Variants in RHAG observed in about 807,000 individuals in gnomAD.
RHAG encodes Rh associated glycoprotein, also known as ammonium transporter Rh type A.
Under a neutral mutation model 42.4 loss-of-function variants are expected in RHAG, and 25 were observed. The observed-to-expected ratio is 0.59, with a 90% confidence interval of 0.43 to 0.82. The LOEUF is 0.82. Among genes scored for constraint, RHAG ranks in the 40% least tolerant of loss-of-function variants. The pLI is 0.00. For missense variants in RHAG, 483 were observed against 504.6 expected (o/e 0.96, Z 0.41); for synonymous variants, 182 against 177.7 (o/e 1.02, Z -0.19).
intron 7 of RHAG, among the ~76,000 whole-genome samples, chr6:49,609,192 C>T (rs980878934): frequency 2.0e-5 from 3 of 152,066 alleles, no homozygotes; most frequent in African/African-American, 4.8e-5. Context: ...TAAATTTTAC[C>T]GAAGTGAATG....
At position 49,635,372 on chromosome 6, in the gene RHAG, C is replaced by A. The variant is rs528968627; in HGVS notation, c.157+1284G>T. On this transcript the variant is annotated intron_variant, in intron 1 of 9. Coordinates refer to ENST00000371175, the MANE Select transcript of RHAG (RefSeq NM_000324.3). ...TGCATCTCTTTGTTTACAAGTGTAT[C>A]AGATAGTGGAGTCTTAGAATAAAAG... 1.4e-4 allele frequency among the ~76,000 whole-genome samples: 21 copies of A among 152,068 alleles called. 1 individual carries two copies. The highest frequency in any genetic ancestry group is 1.9e-4 in the East Asian group (1 of 5,184).
Position 49,612,508 on chromosome 6 carries a change from A to G in RHAG, c.834T>C (p.Ala278=). Residue 278 remains alanine (A), a synonymous_variant, in exon 6 of 10, where the codon GCT becomes GCC. Transcript: ENST00000371175. ...NMVHIQNATL[A]GGVAVGTCAD... is the part of the protein sequence containing the mutation. ...CACAAGTGCCCACAGCAACTCCTCCAGCAAGGGTGGCATTCTGAATGTGAA... is the reference window on the plus strand; with the variant it reads ...CACAAGTGCCCACAGCAACTCCTCCGGCAAGGGTGGCATTCTGAATGTGAA... The G allele has an allele frequency of 6.2e-7, 1 of 1,614,132 alleles. No homozygotes were observed. The highest frequency in any genetic ancestry group is 8.5e-7 in the Non-Finnish European group (1 of 1,180,000).
chr6:49,613,559 TA>T (rs542659269), intron 5 of RHAG, among the ~76,000 whole-genome samples: 396 of 152,204 alleles, frequency 2.6e-3, no homozygotes, highest in Non-Finnish European at 4.8e-3. Flanking sequence ...CAGCAATGCT[TA>T]AAAAATAAAT....
intron 1 of RHAG, among the ~76,000 whole-genome samples, chr6:49,628,593 G>A (rs2127357467): frequency 6.6e-6 from 1 of 152,218 alleles, no homozygotes; most frequent in African/African-American, 2.4e-5. Flanking sequence ...CCTGGCTCAG[G>A]AGTGAAGCTG....
chr6:49,615,081 G>C, intron 4 of RHAG: 1 of 500,700 alleles, frequency 2.0e-6, no homozygotes, highest in South Asian at 2.4e-5. Flanking sequence ...CTGAGTAGCT[G>C]GGATTACAGG....
intron 1 of RHAG, among the ~76,000 whole-genome samples, chr6:49,626,039 T>C (rs1421441376): frequency 1.3e-5 from 2 of 152,124 alleles, no homozygotes; most frequent in Non-Finnish European, 2.9e-5. Flanking sequence ...CCACAACACA[T>C]GGGAATTATG....
intron 1 of RHAG, among the ~76,000 whole-genome samples, chr6:49,633,741 G>C (rs924938812): frequency 7.9e-5 from 12 of 152,198 alleles, no homozygotes; most frequent in Middle Eastern, 3.4e-3. Context: ...GAGTCATTAG[G>C]ATTTTGTTCT....
chr6:49,623,178 T>TA (rs1762792713), intron 1 of RHAG, among the ~76,000 whole-genome samples: 1 of 152,172 alleles, frequency 6.6e-6, no homozygotes, highest in Non-Finnish European at 1.5e-5. Flanking sequence ...TTTCATATAT[T>TA]AACTGTGCTT....
chr6:49,607,702 T>G (rs183081527), intron 7 of RHAG, among the ~76,000 whole-genome samples: 52 of 152,304 alleles, frequency 3.4e-4, no homozygotes, highest in African/African-American at 1.2e-3. Context: ...TGCCTTAAAC[T>G]GAAATTAGTA....
At chr6:49,636,343 C>A (rs550448696) in intron 1 of RHAG, among the ~76,000 whole-genome samples, 23 of 152,230 alleles carry the variant, frequency 1.5e-4, no homozygotes, top group African/African-American at 4.6e-4. Flanking sequence ...AAGCGTGATA[C>A]TTTTCTTTGC....
intron 7 of RHAG, 52 bp from the exon 8 acceptor site, chr6:49,607,272 G>GA (rs753146887): frequency 4.1e-6 from 6 of 1,474,176 alleles, no homozygotes; most frequent in East Asian, 2.3e-5. Flanking sequence ...CTCAGCCAAA[G>GA]AAAGTCTCAC....
chr6:49,627,287 G>T (rs1762858015), intron 1 of RHAG, among the ~76,000 whole-genome samples: 1 of 152,054 alleles, frequency 6.6e-6, no homozygotes, highest in Non-Finnish European at 1.5e-5. Flanking sequence ...TCTTCCACTA[G>T]ATACCCTAAA....
At chr6:49,628,733 C>G (rs894774228) in intron 1 of RHAG, among the ~76,000 whole-genome samples, 2 of 151,818 alleles carry the variant, frequency 1.3e-5, no homozygotes, top group Admixed American at 6.6e-5. Context: ...TGTTACAGCT[C>G]TTAAGGTGGC....
In RHAG at chr6:49,612,491, C is replaced by T; in HGVS notation, c.851G>A (p.Gly284Asp). The T allele has an allele frequency of 6.2e-7, 1 of 1,614,076 alleles. No homozygotes were observed. The highest frequency in any genetic ancestry group is 8.5e-7 in the Non-Finnish European group (1 of 1,179,996). The change falls in exon 6 of 10, where the codon GGC becomes GAC. Residue 284 changes from glycine (G) to aspartate (D), a missense_variant. Gly to Asp is a moderately conservative substitution (Grantham distance 94). Transcript: ENST00000371175. ...GTGAATTGCCATATCCGCACAAGTG[C>T]CCACAGCAACTCCTCCAGCAAGGGT... ...NATLAGGVAV[G>D]TCADMAIHPF...
chr6:49,628,757 T>C (rs1479735806), intron 1 of RHAG, among the ~76,000 whole-genome samples: 1 of 151,508 alleles, frequency 6.6e-6, no homozygotes, highest in Non-Finnish European at 1.5e-5. Context: ...TCTCGAGTTG[T>C]TCGTTCCTCC....
At chr6:49,626,708 C>T (rs1414239009) in intron 1 of RHAG, among the ~76,000 whole-genome samples, 1 of 152,224 alleles carries the variant, frequency 6.6e-6, no homozygotes, top group Non-Finnish European at 1.5e-5. Context: ...TTCCCTTCTG[C>T]ACTGCCCTAG....
At chr6:49,612,917 T>C (rs1352371635) in intron 5 of RHAG, among the ~76,000 whole-genome samples, 3 of 152,202 alleles carry the variant, frequency 2.0e-5, no homozygotes, top group East Asian at 1.9e-4. Context: ...AAAAGATGAC[T>C]ATGGCCACCG....
At chr6:49,625,475 A>G (rs1409254246) in intron 1 of RHAG, among the ~76,000 whole-genome samples, 2 of 152,218 alleles carry the variant, frequency 1.3e-5, no homozygotes, top group Admixed American at 6.5e-5. Flanking sequence ...AGTGCCTATG[A>G]CAAATTAAGC....
chr6:49,633,754 C>T (rs1206313740), intron 1 of RHAG, among the ~76,000 whole-genome samples: 1 of 152,118 alleles, frequency 6.6e-6, no homozygotes, highest in Non-Finnish European at 1.5e-5. Context: ...TTTGTTCTCT[C>T]TCTGGTGGAG....
Sources: gnomAD v4.1 joint callset for allele counts (sites outside exome capture counted in the v4.1 genomes callset) on GRCh38, gnomAD v4.1.1 for gene constraint, MANE v1.5 for transcripts, NCBI Gene and HGNC (gene_info 2026-07-23, HGNC 2026-07-21) for gene names.